The following SLC24A2 variants were observed in gnomAD, a reference collection of about 807,000 sequenced individuals.
SLC24A2 encodes the protein sodium/potassium/calcium exchanger 2.
SLC24A2 carries 36 observed loss-of-function variants against 62.0 expected under a neutral mutation model. That is an observed-to-expected ratio of 0.58 (90% CI 0.44 to 0.77). The LOEUF (loss-of-function observed/expected upper bound fraction) is 0.77, where lower values mean the gene tolerates loss of function less well. Among genes scored for constraint, SLC24A2 ranks in the 30% least tolerant of loss-of-function variants. The probability of loss-of-function intolerance (pLI) is 0.00; values close to 1 mark genes in which losing one functional copy is unlikely to be tolerated. For synonymous variants in SLC24A2, 358 were observed against 294.0 expected, an observed-to-expected ratio of 1.22 and a Z score of -2.23; for missense variants, 846 against 817.9, an observed-to-expected ratio of 1.03 and a Z score of -0.42.
At chr9:19,524,948 G>A (rs1288457960) in intron 9 of SLC24A2, among the ~76,000 whole-genome samples, 1 of 152,066 alleles carries the variant, frequency 6.6e-6, no homozygotes, top group Non-Finnish European at 1.5e-5. Flanking sequence ...TTCTTTATTA[G>A]TACATGAAGA....
At chr9:19,656,510 G>A (rs1051140212) in intron 2 of SLC24A2, among the ~76,000 whole-genome samples, 1 of 152,000 alleles carries the variant, frequency 6.6e-6, no homozygotes, top group Admixed American at 6.6e-5. Flanking sequence ...ATTATTTCTT[G>A]ATCCCAAATA....
At chr9:20,005,714 GAA>G in the SLC24A2 span, among the ~76,000 whole-genome samples, 1 of 151,812 alleles carries the variant, frequency 6.6e-6, no homozygotes, top group Non-Finnish European at 1.5e-5. Flanking sequence ...TGTAAATGGA[GAA>G]AAATAATTTT....
At chr9:20,210,035 T>G in the SLC24A2 span, among the ~76,000 whole-genome samples, 1 of 152,208 alleles carries the variant, frequency 6.6e-6, no homozygotes, top group African/African-American at 2.4e-5. Flanking sequence ...GAAGGGGTCT[T>G]GTGAAGAGTT....
chr9:19,709,717 C>T (rs1820655569), intron 2 of SLC24A2, among the ~76,000 whole-genome samples: 1 of 127,600 alleles, frequency 7.8e-6, no homozygotes, highest in South Asian at 2.5e-4. Flanking sequence ...CACATGGACA[C>T]AGGAAGGGGA....
the SLC24A2 span, among the ~76,000 whole-genome samples, chr9:20,115,472 T>G: frequency 0.11 from 17,014 of 152,130 alleles, 1,009 homozygotes; most frequent in Middle Eastern, 0.18. Flanking sequence ...AGTTTCCAAG[T>G]CACCTCCAAT....
chr9:20,261,016 C>T, the SLC24A2 span, among the ~76,000 whole-genome samples: 7 of 151,902 alleles, frequency 4.6e-5, no homozygotes, highest in South Asian at 2.1e-4. Flanking sequence ...CCACCACACC[C>T]GGCTAATTTT....
chr9:19,874,228 A>T, the SLC24A2 span, among the ~76,000 whole-genome samples: 1 of 151,714 alleles, frequency 6.6e-6, no homozygotes, highest in East Asian at 1.9e-4. Context: ...GACAGGCGTC[A>T]GCCACCACAC....
the SLC24A2 span, among the ~76,000 whole-genome samples, chr9:19,948,222 C>T: frequency 6.6e-6 from 1 of 152,216 alleles, no homozygotes; most frequent in African/African-American, 2.4e-5. Context: ...TCTGTGACTG[C>T]TGGAAGGATA....
At chr9:19,666,980 A>G (rs1819272594) in intron 2 of SLC24A2, among the ~76,000 whole-genome samples, 2 of 152,248 alleles carry the variant, frequency 1.3e-5, no homozygotes, top group South Asian at 4.1e-4. Context: ...CAAAACACTC[A>G]GTACAAATTA....
chr9:19,884,259 G>A, the SLC24A2 span, among the ~76,000 whole-genome samples: 1 of 125,854 alleles, frequency 7.9e-6, no homozygotes, highest in Non-Finnish European at 1.7e-5. Flanking sequence ...AAGAAATTCA[G>A]TGTTTATGAG....
intron 2 of SLC24A2, among the ~76,000 whole-genome samples, chr9:19,764,919 G>A (rs971642448): frequency 6.6e-6 from 1 of 152,154 alleles, no homozygotes; most frequent in African/African-American, 2.4e-5. Flanking sequence ...CTATTACTGT[G>A]TGGGAGTCTA....
chr9:20,220,794 G>A, the SLC24A2 span, among the ~76,000 whole-genome samples: 15 of 152,128 alleles, frequency 9.9e-5, no homozygotes, highest in African/African-American at 3.4e-4. Flanking sequence ...GTTCTTCTTT[G>A]AGATATATTT....
chr9:20,102,122 T>C, the SLC24A2 span, among the ~76,000 whole-genome samples: 3 of 152,206 alleles, frequency 2.0e-5, no homozygotes, highest in African/African-American at 7.2e-5. Context: ...TCAGAGTCCC[T>C]AGTTCTCCCT....
chr9:20,159,249 T>C, the SLC24A2 span, among the ~76,000 whole-genome samples: 1 of 151,630 alleles, frequency 6.6e-6, no homozygotes, highest in South Asian at 2.1e-4. Flanking sequence ...GTTTCTCAAC[T>C]TTTTTCCCCC....
chr9:19,632,287 T>C lies in SLC24A2; in HGVS notation c.931-9988A>G, dbSNP rs1165926842. Among the ~76,000 whole-genome samples, 5 of 152,210 alleles carry C rather than the reference T, an allele frequency of 3.3e-5. No individual in the cohort carries two copies. Among genetic ancestry groups the C allele is most frequent in the Non-Finnish European group, 7.3e-5 (5 of 68,030 alleles). On this transcript the variant is annotated intron_variant, in intron 2 of 10. Transcript: ENST00000341998. The surrounding 1 kb of genome is among the most constrained non-coding windows in gnomAD (Gnocchi z 4.5). The stretch of plus-strand genomic sequence containing the variant: ...TCTATGCCTACCTGGGATGTTACCA[T>C]GTTATTCCCTCTTGCTCCATTTGCC...
rs770342293 is a variant in SLC24A2, at chr9:19,528,098, A to T, written c.1520T>A (p.Ile507Asn). 4 of 1,598,710 alleles carry T rather than the reference A, an allele frequency of 2.5e-6. No homozygotes were observed. In the Admixed American group the frequency reaches 6.9e-5, roughly 28 times the overall value. Residue 507 changes from isoleucine (I) to asparagine (N), a missense_variant, in exon 9 of 11, where the codon ATT (isoleucine) becomes AAT (asparagine). Transcript: ENST00000341998. The part of the protein sequence containing the change: ...KFFPITFFGS[I>N]TWIAVFSYLM... ...GTAAGAGAATACTGCAATCCAGGTA[A>T]TGGAGCCAAAGAACGTGATGGGAAA... is the stretch of plus-strand genomic sequence containing the variant.
At chr9:20,211,525 TAAC>T in the SLC24A2 span, among the ~76,000 whole-genome samples, 26 of 152,146 alleles carry the variant, frequency 1.7e-4, no homozygotes, top group African/African-American at 5.3e-4. Flanking sequence ...AAAAGAATAA[TAAC>T]AATAATAATA....
chr9:19,650,130 T>C (rs1818757041), intron 2 of SLC24A2, among the ~76,000 whole-genome samples: 1 of 152,210 alleles, frequency 6.6e-6, no homozygotes, highest in African/African-American at 2.4e-5. Context: ...ATCATTCATA[T>C]AGAGGGTCTT....
chr9:19,789,053 C>G (rs1823267445), upstream of SLC24A2: 5 of 675,252 alleles, frequency 7.4e-6, no homozygotes, highest in African/African-American at 5.8e-5. Flanking sequence ...GCTGTGAGCC[C>G]GGCGCTCCGA....
Sources: allele counts gnomAD v4.1 joint callset (sites outside exome capture counted in the v4.1 genomes callset), GRCh38; gene constraint gnomAD v4.1.1; non-coding constraint Gnocchi (gnomAD v3.1); transcripts MANE v1.5; gene names NCBI Gene and HGNC (gene_info 2026-07-23, HGNC 2026-07-21).